The following RAB3C variants were observed in gnomAD, a reference collection of about 807,000 sequenced individuals.
RAB3C encodes RAB3C, member RAS oncogene family, also known as ras-related protein Rab-3C.
In RAB3C, 17 loss-of-function variants were observed where a neutral mutation model predicts 26.4. That is an observed-to-expected ratio of 0.64 (90% CI 0.44 to 0.97). RAB3C has a LOEUF of 0.97. Ranked by LOEUF, RAB3C falls within the 50% of genes least tolerant of loss-of-function variation. The pLI is 0.00. For missense variants in RAB3C, 242 were observed against 281.9 expected (o/e 0.86, Z 1.01); for synonymous variants, 91 against 95.9 (o/e 0.95, Z 0.30).
intron 3 of RAB3C, among the ~76,000 whole-genome samples, chr5:58,745,958 C>A (rs139903648): frequency 6.6e-6 from 1 of 152,328 alleles, no homozygotes; most frequent in African/African-American, 2.4e-5. Flanking sequence ...CAAGCCCAAT[C>A]TTATCCTACA....
intron 2 of RAB3C, chr5:58,689,385 A>G (rs1036732110): frequency 2.6e-5 from 4 of 152,208 alleles, no homozygotes; most frequent in Non-Finnish European, 5.9e-5. Context: ...GAGATCCTAC[A>G]GCAATTTAAA....
intron 3 of RAB3C, among the ~76,000 whole-genome samples, chr5:58,764,366 TG>T (rs1226774550): frequency 6.6e-6 from 1 of 152,162 alleles, no homozygotes; most frequent in East Asian, 1.9e-4. Flanking sequence ...GTATGAACAG[TG>T]CTTTGTTCTA....
chr5:58,714,196 T>G (rs916735410), intron 2 of RAB3C, among the ~76,000 whole-genome samples: 1 of 152,074 alleles, frequency 6.6e-6, no homozygotes, highest in Admixed American at 6.6e-5. Context: ...AGGTGAATGG[T>G]AGTATGGATG....
At chr5:58,715,028 G>A (rs1337524279) in intron 2 of RAB3C, among the ~76,000 whole-genome samples, 4 of 151,986 alleles carry the variant, frequency 2.6e-5, no homozygotes, top group African/African-American at 9.7e-5. Context: ...CTTAGAAAAT[G>A]TAGTTTCTCA....
intron 2 of RAB3C, among the ~76,000 whole-genome samples, chr5:58,724,304 G>A (rs191483993): frequency 3.1e-4 from 47 of 151,778 alleles, no homozygotes; most frequent in Admixed American, 3.9e-4. Flanking sequence ...GGTTTACAGA[G>A]GTTCAGTAAC....
chr5:58,666,245 T>C (rs990417075), intron 2 of RAB3C, among the ~76,000 whole-genome samples: 2 of 152,208 alleles, frequency 1.3e-5, no homozygotes, highest in Admixed American at 6.5e-5. Context: ...TTTATTTTAT[T>C]GTTTGTAATG....
At chr5:58,841,989 G>A (rs1034822491) in intron 4 of RAB3C, among the ~76,000 whole-genome samples, 1 of 152,154 alleles carries the variant, frequency 6.6e-6, no homozygotes, top group African/African-American at 2.4e-5. Flanking sequence ...ATACCATTGA[G>A]TAAGTACAAT....
At chr5:58,760,880 T>C (rs1054819201) in intron 3 of RAB3C, among the ~76,000 whole-genome samples, 3 of 152,186 alleles carry the variant, frequency 2.0e-5, no homozygotes, top group African/African-American at 7.2e-5. Context: ...TGATTAGCAC[T>C]GTAGGCAGTG....
rs569866249 is a variant in RAB3C at position 58,724,714 on chromosome 5, C to T, written c.253-1288C>T. 2.0e-5 allele frequency among the ~76,000 whole-genome samples: 3 copies of T among 151,560 alleles called. No individual in the cohort carries two copies. In the South Asian group the frequency reaches 6.2e-4, roughly 32 times the overall value. On this transcript the variant is annotated intron_variant, in intron 2 of 4. Transcript: ENST00000282878. ...AAGAATTTTTCAGAATATTGCAGAA[C>T]TGCAATATAAAAATCATTAGGACAT...
intron 3 of RAB3C, among the ~76,000 whole-genome samples, chr5:58,793,580 A>AGT (rs1742578232): frequency 1.5e-5 from 1 of 67,962 alleles, no homozygotes; most frequent in Non-Finnish European, 3.9e-5. Flanking sequence ...TCATTTTGCC[A>AGT]CTTTTTTTTT....
chr5:58,823,251 C>T (rs1743386610), intron 3 of RAB3C: 1 of 249,318 alleles, frequency 4.0e-6, no homozygotes, highest in Non-Finnish European at 8.0e-6. Context: ...ATTGGCTGGG[C>T]ACGGTGGCTC....
intron 2 of RAB3C, among the ~76,000 whole-genome samples, chr5:58,700,829 G>T (rs992861565): frequency 6.6e-6 from 1 of 152,116 alleles, no homozygotes; most frequent in Admixed American, 6.5e-5. Flanking sequence ...ATGCTACTGA[G>T]GAAAAAAATT....
intron 3 of RAB3C, among the ~76,000 whole-genome samples, chr5:58,737,555 A>G (rs1741177863): frequency 6.6e-6 from 1 of 151,396 alleles, no homozygotes; most frequent in Non-Finnish European, 1.5e-5. Context: ...CTCTGTGCCT[A>G]GAATAGTCCC....
At chr5:58,695,908 CT>C (rs1205967354) in intron 2 of RAB3C, among the ~76,000 whole-genome samples, 1 of 152,130 alleles carries the variant, frequency 6.6e-6, no homozygotes, top group Non-Finnish European at 1.5e-5. Context: ...ATTGAATACC[CT>C]TTATTTGGTT....
At chr5:58,772,464 GA>G (rs1742049526) in intron 3 of RAB3C, among the ~76,000 whole-genome samples, 1 of 152,130 alleles carries the variant, frequency 6.6e-6, no homozygotes, top group Non-Finnish European at 1.5e-5. Context: ...CTTCAGGGAA[GA>G]AAGACTAATG....
rs79894320 is a variant in RAB3C, at chr5:58,784,068, G to A, written c.372-40970G>A. Among the ~76,000 whole-genome samples the A allele has an allele frequency of 4.6e-5, 7 of 152,298 alleles. No homozygotes were observed. The East Asian group carries it at 1.4e-3, about 29-fold the overall frequency. On this transcript the variant is annotated intron_variant, in intron 3 of 4. Coordinates refer to ENST00000282878, the MANE Select transcript of RAB3C (RefSeq NM_138453.4). Reference sequence around the variant, plus strand: ...CATCCTGAGATAAGGGATGAAGGATGCATAGAATCCAGAGTGATATTCTTG... The same window carrying A: ...CATCCTGAGATAAGGGATGAAGGATACATAGAATCCAGAGTGATATTCTTG...
intron 4 of RAB3C, among the ~76,000 whole-genome samples, chr5:58,847,271 A>G (rs1349427004): frequency 1.3e-5 from 2 of 152,188 alleles, no homozygotes; most frequent in African/African-American, 4.8e-5. Context: ...ATTTATCAGG[A>G]GGTCTTTGTC....
intron 2 of RAB3C, among the ~76,000 whole-genome samples, chr5:58,695,733 T>C (rs1306266903): frequency 6.6e-6 from 1 of 152,208 alleles, no homozygotes; most frequent in East Asian, 1.9e-4. Flanking sequence ...TTGTCTGTTA[T>C]TGGTGTATAG....
intron 3 of RAB3C, among the ~76,000 whole-genome samples, chr5:58,761,041 T>C (rs1295124860): frequency 1.1e-4 from 13 of 114,110 alleles, no homozygotes; most frequent in Middle Eastern, 4.3e-3. Context: ...TCTCTCTCTC[T>C]CTCTCTCCCT....
Sources: allele counts gnomAD v4.1 joint callset (sites outside exome capture counted in the v4.1 genomes callset), GRCh38; gene constraint gnomAD v4.1.1; transcripts MANE v1.5; gene names NCBI Gene and HGNC (gene_info 2026-07-23, HGNC 2026-07-21).